PCNX2: variants seen among roughly 807,000 people sequenced by gnomAD.
PCNX2 encodes the protein pecanex 2, also known as pecanex-like protein 2.
A neutral mutation model predicts 223.8 loss-of-function variants in PCNX2; 168 were observed. That is an observed-to-expected ratio of 0.75 (90% CI 0.66 to 0.85). The LOEUF (loss-of-function observed/expected upper bound fraction) is 0.85, where lower values mean the gene tolerates loss of function less well. PCNX2 is among the 40% of genes least tolerant of loss of function. The probability of loss-of-function intolerance (pLI) is 0.00; values close to 1 mark genes in which losing one functional copy is unlikely to be tolerated. For missense variants in PCNX2, 2,507 were observed against 2,675.5 expected, an observed-to-expected ratio of 0.94 and a Z score of 1.39; for synonymous variants, 1,006 against 1,052.6, an observed-to-expected ratio of 0.96 and a Z score of 0.86.
At position 233,126,762 on chromosome 1, in the gene PCNX2, T is replaced by C. The variant is rs932011344; in HGVS notation, c.3837+8251A>G. 6.6e-6 allele frequency among the ~76,000 whole-genome samples: 1 copy of C among 152,234 alleles called. No homozygotes were observed. The highest frequency in any genetic ancestry group is 1.5e-5 in the Non-Finnish European group (1 of 68,046). On this transcript the variant is annotated intron_variant, in intron 21 of 33. Transcript: ENST00000258229. The surrounding 1 kb of genome is among the most constrained non-coding windows in gnomAD (Gnocchi z 4.8). ...AAAAATCCTTTTTTCAAGGTTTTTA[T>C]GTTTGACCTTTATGGCTCTCGTTCC...
chr1:233,001,531 T>C lies in PCNX2; in HGVS notation c.5097+6A>G, dbSNP rs764487283. On this transcript the variant is annotated splice_donor_region_variant and intron_variant, in intron 29 of 33. Coordinates refer to ENST00000258229, the MANE Select transcript of PCNX2 (RefSeq NM_014801.4). The surrounding 1 kb of genome is among the most constrained non-coding windows in gnomAD (Gnocchi z 4.2). ...AAATAAATAAATAAATAAAATAGGT[T>C]TTTACCTGGTGAAGTTTCAGGGACA... 85 of 1,343,814 alleles carry C rather than the reference T, an allele frequency of 6.3e-5. No individual in the cohort carries two copies. Among genetic ancestry groups the C allele is most frequent in the Middle Eastern group, 5.8e-4 (3 of 5,168 alleles). The allele number at this position is 1,343,814 out of a possible 1,614,324, so 83.2% of individuals were successfully genotyped here. A position where few individuals can be genotyped will look rare whatever the true frequency, so the allele number is the denominator to read the frequency against.
chr1:233,318,915 C>G, the PCNX2 span, among the ~76,000 whole-genome samples: 2 of 152,050 alleles, frequency 1.3e-5, no homozygotes, highest in Non-Finnish European at 2.9e-5. Flanking sequence ...CCCAGAAGTC[C>G]CCACTTACGT....
chr1:233,218,275 A>G (rs1229615685), intron 10 of PCNX2, 91 bp from the exon 11 acceptor site: 6 of 1,119,974 alleles, frequency 5.4e-6, no homozygotes, highest in South Asian at 1.7e-5. Context: ...CTGAGATGGA[A>G]TCTTGCTCTA....
intron 31 of PCNX2, 116 bp downstream of exon 31, chr1:232,998,989 A>C (rs1571994367): frequency 1.7e-6 from 2 of 1,211,284 alleles, no homozygotes; most frequent in Non-Finnish European, 1.1e-6. Flanking sequence ...TAGCAGTTTT[A>C]ATCATATGAG....
intron 30 of PCNX2, 82 bp from the exon 31 acceptor site, chr1:232,999,461 T>C (rs1212828622): frequency 2.1e-6 from 3 of 1,425,282 alleles, no homozygotes; most frequent in Non-Finnish European, 2.8e-6. Flanking sequence ...TCTTTTTTTT[T>C]TTTTTTTTTG....
At chr1:233,248,677 T>C (rs1193745736) in intron 8 of PCNX2, among the ~76,000 whole-genome samples, 1 of 152,068 alleles carries the variant, frequency 6.6e-6, no homozygotes, top group African/African-American at 2.4e-5. Flanking sequence ...CTTAAACCTG[T>C]TTGAGATGGG....
At chr1:232,984,630 G>T in intron 33 of PCNX2, 153 bp from the exon 34 acceptor site, 1 of 786,126 alleles carries the variant, frequency 1.3e-6, no homozygotes, top group Non-Finnish European at 2.0e-6. Context: ...ATGATAGAGG[G>T]CCAGCACAGT....
chr1:233,218,252 T>C lies in PCNX2; in HGVS notation c.2505-68A>G. On this transcript the variant is annotated intron_variant, in intron 10 of 33. Transcript: ENST00000258229. ...AAAAAAGTGTAAGTTTTGCCTTTTTTTTTTTTTTTTTTCTGAGATGGAATC... is the reference window on the plus strand; with the variant it reads ...AAAAAAGTGTAAGTTTTGCCTTTTTCTTTTTTTTTTTTCTGAGATGGAATC... 5.1e-6 allele frequency: 6 copies of C among 1,170,700 alleles called. No individual in the cohort carries two copies. The South Asian group carries it at 1.0e-4, about 19-fold the overall frequency. The allele number at this position is 1,170,700 out of a possible 1,614,324, so 72.5% of individuals were successfully genotyped here. A position where few individuals can be genotyped will look rare whatever the true frequency, so the allele number is the denominator to read the frequency against.
intron 17 of PCNX2, among the ~76,000 whole-genome samples, chr1:233,173,382 T>A (rs1679275798): frequency 6.6e-6 from 1 of 152,186 alleles, no homozygotes; most frequent in South Asian, 2.1e-4. Context: ...GCCAGGCTGG[T>A]TTCGAACTCC....
the PCNX2 span, among the ~76,000 whole-genome samples, chr1:233,305,794 A>G: frequency 1.2e-4 from 19 of 152,348 alleles, no homozygotes; most frequent in African/African-American, 4.3e-4. Context: ...GAAACACAAG[A>G]ATGAACTAGA....
chr1:233,118,120 G>C (rs1229038847), intron 21 of PCNX2, among the ~76,000 whole-genome samples: 1 of 152,114 alleles, frequency 6.6e-6, no homozygotes, highest in African/African-American at 2.4e-5. Context: ...TTATTAACAG[G>C]CTAAAGAATA....
intron 22 of PCNX2, 60 bp from the exon 23 acceptor site, chr1:233,090,250 A>AT (rs1673804694): frequency 1.3e-6 from 2 of 1,566,414 alleles, no homozygotes; most frequent in Non-Finnish European, 1.7e-6. Context: ...TTAAAACATT[A>AT]TTTCAAATTT....
At chr1:233,176,962 A>T (rs982529082) in intron 17 of PCNX2, among the ~76,000 whole-genome samples, 2 of 152,140 alleles carry the variant, frequency 1.3e-5, no homozygotes, top group African/African-American at 4.8e-5. Flanking sequence ...CAGTGAGCCG[A>T]GATCATGCCA....
intron 27 of PCNX2, 74 bp from the exon 28 acceptor site, chr1:233,014,851 G>A: frequency 2.4e-6 from 3 of 1,234,556 alleles, no homozygotes; most frequent in South Asian, 2.5e-5. Flanking sequence ...TAAATGTAGA[G>A]TGACATTGGC....
intron 19 of PCNX2, among the ~76,000 whole-genome samples, chr1:233,142,227 A>G (rs1174625552): frequency 6.6e-6 from 1 of 152,218 alleles, no homozygotes; most frequent in Non-Finnish European, 1.5e-5. Flanking sequence ...TTGTGAAAGC[A>G]TGTGGGCTGT....
chr1:233,298,840 C>T (rs1662211494), upstream of PCNX2, among the ~76,000 whole-genome samples: 1 of 152,110 alleles, frequency 6.6e-6, no homozygotes, highest in African/African-American at 2.4e-5. Context: ...CAGGATCATG[C>T]CACTGCACTC....
At chr1:232,999,001 A>G in intron 31 of PCNX2, 104 bp downstream of exon 31, 2 of 1,332,226 alleles carry the variant, frequency 1.5e-6, no homozygotes, top group Non-Finnish European at 2.0e-6. Flanking sequence ...TCATATGAGA[A>G]AATGGTGGCT....
At chr1:233,312,125 C>T in the PCNX2 span, among the ~76,000 whole-genome samples, 1 of 151,814 alleles carries the variant, frequency 6.6e-6, no homozygotes, top group Admixed American at 6.6e-5. Flanking sequence ...AAAACTCTGT[C>T]TCAAAATAAC....
chr1:233,103,534 A>G (rs1674608214), intron 21 of PCNX2, among the ~76,000 whole-genome samples: 1 of 152,152 alleles, frequency 6.6e-6, no homozygotes, highest in South Asian at 2.1e-4. Context: ...GAGAATATAT[A>G]ATGTTTATCT....
Sources: allele counts gnomAD v4.1 joint callset (sites outside exome capture counted in the v4.1 genomes callset), GRCh38; gene constraint gnomAD v4.1.1; non-coding constraint Gnocchi (gnomAD v3.1); transcripts MANE v1.5; gene names NCBI Gene and HGNC (gene_info 2026-07-23, HGNC 2026-07-21).